Variants in DLC1 observed in about 807,000 individuals in gnomAD.
DLC1 encodes DLC1 Rho GTPase activating protein, also known as rho GTPase-activating protein 7.
DLC1 carries 54 observed loss-of-function variants against 140.3 expected under a neutral mutation model. The ratio of observed to expected loss-of-function variants is 0.38; its 90% confidence interval spans 0.31 to 0.48. DLC1 has a LOEUF of 0.48. DLC1 is among the 20% of genes least tolerant of loss of function. The pLI, the probability that DLC1 is intolerant of heterozygous loss-of-function variation, is 0.96. For missense variants in DLC1, 2,536 were observed against 1,907.0 expected, an observed-to-expected ratio of 1.33 and a Z score of -6.14; for synonymous variants, 986 against 728.1, an observed-to-expected ratio of 1.35 and a Z score of -5.70.
At chr8:13,350,116 G>C (rs1395406417) in intron 4 of DLC1, among the ~76,000 whole-genome samples, 2 of 152,188 alleles carry the variant, frequency 1.3e-5, no homozygotes, top group African/African-American at 4.8e-5. Flanking sequence ...TCTGTGGCCA[G>C]AGGCTGGATC....
chr8:13,321,341 C>T (rs1729141), intron 4 of DLC1, among the ~76,000 whole-genome samples: 129,337 of 151,632 alleles, frequency 0.85, 55,618 homozygotes, highest in East Asian at 0.95. Context: ...AGATGGAGAC[C>T]ATCCTGGTCA....
rs1294872071 is a variant in DLC1, at chr8:13,086,340, G to C, written c.4416C>G (p.Pro1472=). The change falls in exon 17 of 18, where the codon CCC becomes CCG. Residue 1472 remains proline (P), a synonymous_variant. Coordinates refer to ENST00000276297, the MANE Select transcript of DLC1 (RefSeq NM_182643.3). ...NVLLSRYLIE[P]CGPGKSKLTY... The stretch of plus-strand genomic sequence containing the variant: ...TGAGTTTGGATTTTCCTGGCCCACA[G>C]GGTTCAATCAAATACCTGGACAAGA... The C allele has an allele frequency of 6.2e-7, 1 of 1,614,218 alleles. No homozygotes were observed. The highest frequency in any genetic ancestry group is 1.7e-5 in the Admixed American group (1 of 60,030).
intron 7 of DLC1, among the ~76,000 whole-genome samples, chr8:13,106,688 C>T (rs1400520614): frequency 2.6e-5 from 4 of 152,220 alleles, no homozygotes; most frequent in African/African-American, 7.2e-5. Context: ...AAAATCTGCT[C>T]TAAGGTGGGC....
intron 5 of DLC1, chr8:13,132,965 G>A: frequency 6.2e-7 from 1 of 1,611,058 alleles, no homozygotes; most frequent in Non-Finnish European, 8.5e-7. Context: ...ATGGTGTCCG[G>A]CTTCTTTCTG....
intron 1 of DLC1, among the ~76,000 whole-genome samples, chr8:13,587,378 C>G (rs1279017840): frequency 2.0e-5 from 3 of 151,762 alleles, no homozygotes; most frequent in Non-Finnish European, 4.4e-5. Flanking sequence ...TTTAGGATAT[C>G]ACAGACACTT....
Position 13,098,442 on chromosome 8 carries a change from G to A in DLC1, c.3124C>T (p.Leu1042=). The A allele has an allele frequency of 6.2e-7, 1 of 1,614,152 alleles. No individual in the cohort carries two copies. The highest frequency in any genetic ancestry group is 8.5e-7 in the Non-Finnish European group (1 of 1,180,022). ...QKYSLLKLTA[L]LEKYTPSNKH... ...TTAGAAGGTGTGTATTTCTCCAGCA[G>A]GGCCGTTAGCTTTAGGAGTGAGTAT... The change falls in exon 10 of 18, where the codon CTG becomes TTG. Residue 1042 remains leucine (L), a synonymous_variant. Coordinates refer to ENST00000276297, the MANE Select transcript of DLC1 (RefSeq NM_182643.3).
In DLC1 at chr8:13,217,808, G is replaced by A. The variant is rs146748135; in HGVS notation, c.1348+87461C>T. Reference sequence around the variant, plus strand: ...AGCCGAGATCACGCCACTGCACGCCGGCCTGAGTGACAGAGTGAGACTCCA... The same window carrying A: ...AGCCGAGATCACGCCACTGCACGCCAGCCTGAGTGACAGAGTGAGACTCCA... On this transcript the variant is annotated intron_variant, in intron 5 of 17. Coordinates refer to ENST00000276297, the MANE Select transcript of DLC1 (RefSeq NM_182643.3). 8.3e-4 allele frequency among the ~76,000 whole-genome samples: 126 copies of A among 151,612 alleles called. 1 individual carries two copies. Among genetic ancestry groups the A allele is most frequent in the Admixed American group, 5.3e-3 (81 of 15,230 alleles).
intron 5 of DLC1, among the ~76,000 whole-genome samples, chr8:13,122,169 C>T (rs898664684): frequency 2.6e-5 from 4 of 152,176 alleles, no homozygotes; most frequent in South Asian, 2.1e-4. Flanking sequence ...ATGTCACTCC[C>T]CTGCTTAGAA....
chr8:13,476,974 C>A (rs1276584799), intron 2 of DLC1, among the ~76,000 whole-genome samples: 1 of 152,146 alleles, frequency 6.6e-6, no homozygotes, highest in Admixed American at 6.5e-5. Flanking sequence ...GGAAGTTGTG[C>A]TTTTCTCCTA....
At chr8:13,592,129 G>A (rs1010097776) in intron 1 of DLC1, among the ~76,000 whole-genome samples, 1 of 152,030 alleles carries the variant, frequency 6.6e-6, no homozygotes, top group Non-Finnish European at 1.5e-5. Context: ...TTTAAAGAGA[G>A]CAAGGGGCCT....
At chr8:13,601,790 A>G (rs7013079) in intron 1 of DLC1, among the ~76,000 whole-genome samples, 22,225 of 151,782 alleles carry the variant, frequency 0.15, 2,006 homozygotes, top group African/African-American at 0.26. Context: ...AGAAAATGCA[A>G]TCATATATAA....
intron 4 of DLC1, among the ~76,000 whole-genome samples, chr8:13,389,536 T>C (rs529084179): frequency 6.6e-6 from 1 of 152,138 alleles, no homozygotes; most frequent in Admixed American, 6.5e-5. Flanking sequence ...AATGTGTTTT[T>C]TGACAGTGGA....
rs1563383546 is a variant in DLC1 at position 13,479,843 on chromosome 8, AG to A, written c.1023+19205del. 1.8e-4 allele frequency among the ~76,000 whole-genome samples: 15 copies of A among 83,314 alleles called. 2 individuals carry two copies. The highest frequency in any genetic ancestry group is 5.1e-4 in the East Asian group (2 of 3,918). The allele number at this position is 83,314 out of a possible 152,430, so 54.7% of individuals were successfully genotyped here. ...AAGAAGAAGAAGAAGAAGAAGAAGAAGAAGAAGAAGAAGAAGAGAAAAAGAA... is the reference window on the plus strand; with the variant it reads ...AAGAAGAAGAAGAAGAAGAAGAAGAAAAGAAGAAGAAGAAGAGAAAAAGAA... On this transcript the variant is annotated intron_variant, in intron 2 of 17. Coordinates refer to ENST00000276297, the MANE Select transcript of DLC1 (RefSeq NM_182643.3).
At chr8:13,305,077 A>T in intron 5 of DLC1, 192 bp downstream of exon 5, 8 of 1,269,740 alleles carry the variant, frequency 6.3e-6, no homozygotes, top group Non-Finnish European at 7.0e-6. Context: ...ACACAATGTC[A>T]TTATGTCAGA....
intron 2 of DLC1, among the ~76,000 whole-genome samples, chr8:13,473,940 A>G (rs897721676): frequency 1.2e-4 from 18 of 152,226 alleles, no homozygotes; most frequent in Admixed American, 9.8e-4. Context: ...CAGCCTGACA[A>G]TGTGATAGAA....
intron 5 of DLC1, among the ~76,000 whole-genome samples, chr8:13,210,786 C>T (rs1827899205): frequency 6.6e-6 from 1 of 152,092 alleles, no homozygotes; most frequent in Non-Finnish European, 1.5e-5. Context: ...ATGATTTAGC[C>T]CTTATTATCT....
At chr8:13,591,340 G>A (rs1350644230) in intron 1 of DLC1, among the ~76,000 whole-genome samples, 3 of 152,004 alleles carry the variant, frequency 2.0e-5, no homozygotes, top group African/African-American at 7.3e-5. Flanking sequence ...TAAATCATGG[G>A]GGCAGTTGCC....
intron 5 of DLC1, among the ~76,000 whole-genome samples, chr8:13,124,332 G>A (rs1821374537): frequency 6.6e-6 from 1 of 152,212 alleles, no homozygotes; most frequent in South Asian, 2.1e-4. Flanking sequence ...TGGATTGCAG[G>A]AGAGGGGATT....
At chr8:13,087,529 A>G (rs1006939566) in intron 16 of DLC1, among the ~76,000 whole-genome samples, 3 of 152,230 alleles carry the variant, frequency 2.0e-5, no homozygotes, top group African/African-American at 7.2e-5. Context: ...ATTCTGTTAG[A>G]GCAGCATTAC....
Sources: gnomAD v4.1 joint callset for allele counts (sites outside exome capture counted in the v4.1 genomes callset) on GRCh38, gnomAD v4.1.1 for gene constraint, MANE v1.5 for transcripts, NCBI Gene and HGNC (gene_info 2026-07-23, HGNC 2026-07-21) for gene names.